The following RCL1 variants were observed in gnomAD, a reference collection of about 807,000 sequenced individuals.
The protein encoded by RCL1 is RNA terminal phosphate cyclase like 1.
In RCL1, 24 loss-of-function variants were observed where a neutral mutation model predicts 42.4. The ratio of observed to expected loss-of-function variants is 0.57; its 90% CI spans 0.41 to 0.80. The LOEUF is 0.80. RCL1 is among the 30% of genes least tolerant of loss of function. The pLI is 0.00. For synonymous variants in RCL1, 228 were observed against 177.3 expected, an observed-to-expected ratio of 1.29 and a Z score of -2.27; for missense variants, 578 against 467.9, an observed-to-expected ratio of 1.24 and a Z score of -2.17.
chr9:4,799,780 C>T (rs918897012), intron 1 of RCL1, among the ~76,000 whole-genome samples: 1 of 152,008 alleles, frequency 6.6e-6, no homozygotes, highest in Non-Finnish European at 1.5e-5. Flanking sequence ...TCACTACCTC[C>T]CTGGGTTGGG....
chr9:4,802,522 C>T (rs1843021271), intron 1 of RCL1, among the ~76,000 whole-genome samples: 2 of 152,074 alleles, frequency 1.3e-5, no homozygotes, highest in South Asian at 2.1e-4. Context: ...TTCTTTTCCC[C>T]AGATGAAATA....
intron 1 of RCL1, among the ~76,000 whole-genome samples, chr9:4,808,865 A>G (rs1225459179): frequency 1.3e-5 from 2 of 152,294 alleles, no homozygotes; most frequent in East Asian, 3.9e-4. Flanking sequence ...TTTTGATTTC[A>G]TTTTTATATT....
intron 1 of RCL1, among the ~76,000 whole-genome samples, chr9:4,809,243 C>CG (rs1284033667): frequency 1.3e-5 from 2 of 152,112 alleles, no homozygotes; most frequent in African/African-American, 4.8e-5. Flanking sequence ...TTACATATAT[C>CG]CTAACATTCT....
At position 4,856,152 on chromosome 9, in the gene RCL1, G is replaced by A. The variant is rs568197554; in HGVS notation, c.972-3973G>A. 1.4e-3 allele frequency among the ~76,000 whole-genome samples: 211 copies of A among 152,330 alleles called. 1 individual carries two copies. Among genetic ancestry groups the A allele is most frequent in the Non-Finnish European group, 2.2e-3 (153 of 68,026 alleles). On this transcript the variant is annotated intron_variant, in intron 8 of 8. Coordinates refer to ENST00000381750, the MANE Select transcript of RCL1 (RefSeq NM_005772.5). ...TTTTCCAGGTTGCCGCCAGCTGGAA[G>A]CTTTGCCCACAGATGTGGACTGTTT...
At chr9:4,833,086 G>GTT in intron 3 of RCL1, 68 bp from the exon 4 acceptor site, 1 of 1,104,142 alleles carries the variant, frequency 9.1e-7, no homozygotes, top group Non-Finnish European at 1.4e-6. Flanking sequence ...AGCCTTACTT[G>GTT]TTTTTTTTGA....
At chr9:4,839,834 T>C (rs1817254785) in intron 5 of RCL1, 2 of 984,568 alleles carry the variant, frequency 2.0e-6, no homozygotes, top group Admixed American at 6.2e-5. Context: ...AAGAACAAAA[T>C]GTGCATATGT....
At chr9:4,811,631 T>A (rs955261759) in intron 1 of RCL1, among the ~76,000 whole-genome samples, 1 of 152,246 alleles carries the variant, frequency 6.6e-6, no homozygotes, top group East Asian at 1.9e-4. Flanking sequence ...TATTCCGTTA[T>A]GTATGTGTTT....
intron 1 of RCL1, among the ~76,000 whole-genome samples, chr9:4,798,064 G>A (rs1842941891): frequency 6.6e-6 from 1 of 152,188 alleles, no homozygotes; most frequent in African/African-American, 2.4e-5. Context: ...CCGTAGTTAG[G>A]TAAGATAGTT....
In RCL1 at chr9:4,805,541, A is replaced by G. The variant is rs150361275; in HGVS notation, c.136+12314A>G. On this transcript the variant is annotated intron_variant, in intron 1 of 8. Coordinates refer to ENST00000381750, the MANE Select transcript of RCL1 (RefSeq NM_005772.5). ...TATATACAAAAGTTTTTAGAAAACT[A>G]AACTCTTATAGAAATAGACAATCAG... Among the ~76,000 whole-genome samples, 12 of 152,368 alleles carry G rather than the reference A, an allele frequency of 7.9e-5. No homozygotes were observed. The East Asian group carries it at 1.7e-3, about 22-fold the overall frequency.
chr9:4,860,334 C>G lies in RCL1; in HGVS notation c.*59C>G, dbSNP rs1269028241. The G allele has an allele frequency of 6.4e-7, 1 of 1,559,986 alleles. No individual in the cohort carries two copies. The highest frequency in any genetic ancestry group is 8.7e-7 in the Non-Finnish European group (1 of 1,150,886). On this transcript the variant is annotated 3_prime_UTR_variant, in exon 9 of 9. Transcript: ENST00000381750. Reference sequence around the variant, plus strand: ...GACAAAGCAGAAGCTGCCACGGACACCAATGGGACCAAGTCCAAATGGATT... The same window carrying G: ...GACAAAGCAGAAGCTGCCACGGACAGCAATGGGACCAAGTCCAAATGGATT...
At chr9:4,844,803 T>C (rs1350410742) in intron 7 of RCL1, 122 bp downstream of exon 7, 7 of 969,382 alleles carry the variant, frequency 7.2e-6, no homozygotes, top group Non-Finnish European at 9.1e-6. Context: ...TCTGTTCCTG[T>C]GCATTAAGCA....
At chr9:4,839,853 A>T in intron 5 of RCL1, 1 of 985,270 alleles carries the variant, frequency 1.0e-6, no homozygotes, top group Non-Finnish European at 1.2e-6. Flanking sequence ...GTGAAGAGAG[A>T]TGTATGGTAA....
rs1394858885 is a variant in RCL1, at chr9:4,841,301, G to A, written c.654G>A (p.Lys218=). 2.5e-6 allele frequency: 4 copies of A among 1,612,944 alleles called. No individual in the cohort carries two copies. The highest frequency in any genetic ancestry group is 1.7e-5 in the Admixed American group (1 of 60,000). ...IVDSARSILN[K]FIPDIYIYTD... is the part of the protein sequence containing the mutation. ...ATTCTGCAAGGAGCATCCTCAACAA[G>A]TTCATACCTGATATCTATATTTACA... The change falls in exon 6 of 9, where the codon AAG becomes AAA. Residue 218 remains lysine, a synonymous_variant. Transcript: ENST00000381750.
intron 3 of RCL1, among the ~76,000 whole-genome samples, 182 bp from the exon 4 acceptor site, chr9:4,832,972 G>A (rs930416501): frequency 3.3e-5 from 5 of 152,134 alleles, no homozygotes; most frequent in Admixed American, 1.3e-4. Flanking sequence ...GAAGCCCAGT[G>A]GCCTGTGAAA....
At chr9:4,819,673 G>C (rs1421885630) in intron 1 of RCL1, among the ~76,000 whole-genome samples, 1 of 152,186 alleles carries the variant, frequency 6.6e-6, no homozygotes, top group African/African-American at 2.4e-5. Flanking sequence ...TGGGCGTGGT[G>C]GCACGCGCCT....
chr9:4,811,027 A>G (rs1030033707), intron 1 of RCL1, among the ~76,000 whole-genome samples: 1 of 152,184 alleles, frequency 6.6e-6, no homozygotes, highest in African/African-American at 2.4e-5. Context: ...CACCTCAAAC[A>G]TTTCTTTGTG....
intron 1 of RCL1, 64 bp downstream of exon 1, chr9:4,793,291 G>T: frequency 2.7e-6 from 4 of 1,507,942 alleles, no homozygotes; most frequent in South Asian, 1.2e-5. Flanking sequence ...AGCTGATGCC[G>T]TGGGGGCCCG....
intron 1 of RCL1, among the ~76,000 whole-genome samples, chr9:4,821,620 A>G (rs1816598447): frequency 6.6e-6 from 1 of 152,120 alleles, no homozygotes; most frequent in African/African-American, 2.4e-5. Flanking sequence ...AGGGAGAGCG[A>G]GAGTGACTGA....
chr9:4,819,157 C>T lies in RCL1; in HGVS notation c.137-4391C>T, dbSNP rs1485507276. Among the ~76,000 whole-genome samples the T allele has an allele frequency of 5.9e-5, 9 of 152,324 alleles. No homozygotes were observed. The East Asian group carries it at 1.7e-3, about 29-fold the overall frequency. ...GGGTTTATAGAGCAGGGGTCCTCAA[C>T]CCCAGACAGGGCAGGGTTGGCAGAA... On this transcript the variant is annotated intron_variant, in intron 1 of 8. Transcript: ENST00000381750.
Sources: allele counts gnomAD v4.1 joint callset (sites outside exome capture counted in the v4.1 genomes callset), GRCh38; gene constraint gnomAD v4.1.1; transcripts MANE v1.5; gene names NCBI Gene and HGNC (gene_info 2026-07-23, HGNC 2026-07-21).